TBC1D22A: variants seen among roughly 807,000 people sequenced by gnomAD.
TBC1D22A encodes the protein putative GTPase activator.
In TBC1D22A, 38 loss-of-function variants were observed where a neutral mutation model predicts 60.2. The observed-to-expected ratio is 0.63, with a 90% CI of 0.49 to 0.83. The LOEUF is 0.83. Ranked by LOEUF, TBC1D22A falls within the 40% of genes least tolerant of loss-of-function variation. The probability of loss-of-function intolerance (pLI) is 0.00; values close to 1 mark genes in which losing one functional copy is unlikely to be tolerated. For missense variants in TBC1D22A, 628 were observed against 701.0 expected (o/e 0.90, Z 1.18); for synonymous variants, 302 against 281.7 (o/e 1.07, Z -0.72).
Position 46,789,414 on chromosome 22 carries a change from C to G in TBC1D22A, c.63-3106C>G, listed in dbSNP as rs914705337. The G allele has an allele frequency of 1.3e-5, 6 of 456,070 alleles. No individual in the cohort carries two copies. In the East Asian group the frequency reaches 4.5e-4, roughly 34 times the overall value. The allele number at this position is 456,070 out of a possible 1,614,324, so 28.3% of individuals were successfully genotyped here. A position where few individuals can be genotyped will look rare whatever the true frequency, so the allele number is the denominator to read the frequency against. Reference sequence around the variant, plus strand: ...AGACTGGGTTTCTGTGCTCCTGTGACATGCTCTTGTAGGAATCATCATAGA... The same window carrying G: ...AGACTGGGTTTCTGTGCTCCTGTGAGATGCTCTTGTAGGAATCATCATAGA... On this transcript the variant is annotated intron_variant, in intron 1 of 12. Coordinates refer to ENST00000337137, the MANE Select transcript of TBC1D22A (RefSeq NM_014346.5).
intron 12 of TBC1D22A, among the ~76,000 whole-genome samples, chr22:47,146,789 G>A (rs927589709): frequency 6.6e-6 from 1 of 152,220 alleles, no homozygotes; most frequent in African/African-American, 2.4e-5. Context: ...CCAGGGCTGG[G>A]GGATCTTCCC....
chr22:46,951,144 C>T (rs1389492150), intron 8 of TBC1D22A, among the ~76,000 whole-genome samples: 1 of 152,186 alleles, frequency 6.6e-6, no homozygotes, highest in Non-Finnish European at 1.5e-5. Context: ...AAAATAGAGA[C>T]AATCCTTGCA....
In TBC1D22A at chr22:46,952,762, G is replaced by GC. The variant is rs139323750; in HGVS notation, c.1016-21524dup. On this transcript the variant is annotated intron_variant, in intron 8 of 12. Transcript: ENST00000337137. The stretch of plus-strand genomic sequence containing the variant: ...CTGCCCAGTCTGCTGAAACCTGAGG[G>GC]CCCCTGGATTCTCTCTCTCAACCCC... Among the ~76,000 whole-genome samples the GC allele has an allele frequency of 4.2e-3, 632 of 152,252 alleles. 9 individuals carry two copies. Among genetic ancestry groups the GC allele is most frequent in the East Asian group, 0.039 (202 of 5,174 alleles).
intron 4 of TBC1D22A, among the ~76,000 whole-genome samples, chr22:46,820,101 T>TA (rs1432886242): frequency 6.6e-6 from 1 of 152,352 alleles, no homozygotes; most frequent in East Asian, 1.9e-4. Context: ...TATCACTTTT[T>TA]ATCGTGTCTC....
intron 8 of TBC1D22A, among the ~76,000 whole-genome samples, chr22:46,925,697 C>G (rs558893413): frequency 6.6e-6 from 1 of 152,234 alleles, no homozygotes; most frequent in African/African-American, 2.4e-5. Flanking sequence ...CAGTGTCATT[C>G]AACAGTTTTA....
In TBC1D22A at chr22:46,762,681, C is replaced by T. The variant is rs1003693443; in HGVS notation, c.-106C>T. The T allele has an allele frequency of 4.1e-6, 4 of 974,136 alleles. No homozygotes were observed. The highest frequency in any genetic ancestry group is 4.2e-5 in the Admixed American group (1 of 23,686). The allele number at this position is 974,136 out of a possible 1,614,324, so 60.3% of individuals were successfully genotyped here. ...GCTTCTCGGCTCTAGGCTCTGGAGT[C>T]CCGGGAGCAGTGAGGGGCCACCCGG... is the stretch of plus-strand genomic sequence containing the variant. On this transcript the variant is annotated 5_prime_UTR_variant, in exon 1 of 13. Transcript: ENST00000337137.
At position 47,028,411 on chromosome 22, in the gene TBC1D22A, C is replaced by T. The variant is rs1258707917; in HGVS notation, c.1202-8660C>T. On this transcript the variant is annotated intron_variant, in intron 10 of 12. Transcript: ENST00000337137. This position sits in a 1 kb window ranked among gnomAD's most constrained non-coding sequence, Gnocchi z 4.4. ...TCCCTCGGTCCCTGTCCCCCACGGCCCAGGTTCTGAGAGCGAGTGGTCGCA... is the reference window on the plus strand; with the variant it reads ...TCCCTCGGTCCCTGTCCCCCACGGCTCAGGTTCTGAGAGCGAGTGGTCGCA... 1.5e-5 allele frequency among the ~76,000 whole-genome samples: 2 copies of T among 135,658 alleles called. No homozygotes were observed. Among genetic ancestry groups the T allele is most frequent in the Non-Finnish European group, 3.1e-5 (2 of 65,224 alleles). The allele number at this position is 135,658 out of a possible 152,430, so 89.0% of individuals were successfully genotyped here. A position where few individuals can be genotyped will look rare whatever the true frequency, so the allele number is the denominator to read the frequency against.
chr22:46,906,572 G>T (rs1192165421), intron 7 of TBC1D22A, among the ~76,000 whole-genome samples: 1 of 152,186 alleles, frequency 6.6e-6, no homozygotes, highest in East Asian at 1.9e-4. Context: ...GTTTCATCTG[G>T]CAGGGCCTCT....
rs570993146 is a variant in TBC1D22A at position 46,908,634 on chromosome 22, T to A, written c.901-3440T>A. 2.0e-5 allele frequency among the ~76,000 whole-genome samples: 3 copies of A among 152,310 alleles called. No homozygotes were observed. In the East Asian group the frequency reaches 5.8e-4, roughly 29 times the overall value. On this transcript the variant is annotated intron_variant, in intron 7 of 12. Coordinates refer to ENST00000337137, the MANE Select transcript of TBC1D22A (RefSeq NM_014346.5). ...TCAAAGTAATACAAGCGTGCTCTTT[T>A]AAAGTACATTACTACCCAGGCTGGT...
At chr22:47,150,803 GGGGCT>G (rs2067472643) in intron 12 of TBC1D22A, among the ~76,000 whole-genome samples, 1 of 151,782 alleles carries the variant, frequency 6.6e-6, no homozygotes, top group South Asian at 2.1e-4. Context: ...CTGCACCCAC[GGGGCT>G]CCCGTGCGTG....
At chr22:47,155,150 G>C (rs889451048) in intron 12 of TBC1D22A, among the ~76,000 whole-genome samples, 3 of 152,062 alleles carry the variant, frequency 2.0e-5, no homozygotes, top group African/African-American at 7.2e-5. Flanking sequence ...TGATGGGGAC[G>C]CTCCATGCCG....
intron 1 of TBC1D22A, among the ~76,000 whole-genome samples, chr22:46,773,658 G>C (rs2083582145): frequency 6.6e-6 from 1 of 152,158 alleles, no homozygotes. Flanking sequence ...TTTTAGTAGA[G>C]ATGGGGTTTC....
At chr22:47,085,624 C>G (rs955010072) in intron 11 of TBC1D22A, among the ~76,000 whole-genome samples, 1 of 151,980 alleles carries the variant, frequency 6.6e-6, no homozygotes, top group Admixed American at 6.6e-5. Context: ...TTACATAGAG[C>G]CATTTTATTG....
chr22:47,169,053 G>T (rs554425755), intron 12 of TBC1D22A, among the ~76,000 whole-genome samples: 2 of 152,226 alleles, frequency 1.3e-5, no homozygotes, highest in Non-Finnish European at 2.9e-5. Context: ...GCGGCATGGC[G>T]GCTTCTGTCT....
At chr22:46,968,921 G>T (rs1007635315) in intron 8 of TBC1D22A, among the ~76,000 whole-genome samples, 5 of 152,040 alleles carry the variant, frequency 3.3e-5, no homozygotes, top group Admixed American at 3.3e-4. Flanking sequence ...TCATCCACCC[G>T]TCTACCCATA....
chr22:46,968,563 G>A (rs962433329), intron 8 of TBC1D22A, among the ~76,000 whole-genome samples: 3 of 147,800 alleles, frequency 2.0e-5, no homozygotes, highest in African/African-American at 5.2e-5. Flanking sequence ...GTGGGAGGGC[G>A]TCCTCACTGC....
intron 1 of TBC1D22A, among the ~76,000 whole-genome samples, chr22:46,780,756 G>A (rs1324312207): frequency 6.6e-6 from 1 of 152,188 alleles, no homozygotes; most frequent in East Asian, 1.9e-4. Flanking sequence ...CTGGTGTGGA[G>A]CAGGTGCCCA....
At chr22:47,043,375 G>C (rs538256736) in intron 11 of TBC1D22A, among the ~76,000 whole-genome samples, 2 of 152,304 alleles carry the variant, frequency 1.3e-5, no homozygotes, top group East Asian at 3.9e-4. Flanking sequence ...GCCAGGATGC[G>C]GCTGTCCCCG....
intron 10 of TBC1D22A, among the ~76,000 whole-genome samples, chr22:47,001,295 CTTTCTTT>C (rs1450005179): frequency 2.0e-5 from 2 of 97,778 alleles, no homozygotes; most frequent in Non-Finnish European, 3.9e-5. Flanking sequence ...TTTTTTCTTT[CTTTCTTT>C]TTTTTTTTTT....
Sources: allele counts gnomAD v4.1 joint callset (sites outside exome capture counted in the v4.1 genomes callset), GRCh38; gene constraint gnomAD v4.1.1; non-coding constraint Gnocchi (gnomAD v3.1); transcripts MANE v1.5; gene names NCBI Gene and HGNC (gene_info 2026-07-23, HGNC 2026-07-21).